Variants in KANSL1 observed in about 807,000 individuals in gnomAD.
The protein encoded by KANSL1 is MLL1/MLL complex subunit KANSL1.
KANSL1 carries 22 observed loss-of-function variants against 103.6 expected under a neutral mutation model. That is an observed-to-expected ratio of 0.21 (90% CI 0.15 to 0.30). The LOEUF is 0.30. Ranked by LOEUF, KANSL1 falls within the 10% of genes least tolerant of loss-of-function variation. The probability of loss-of-function intolerance (pLI) is 1.00; values close to 1 mark genes in which losing one functional copy is unlikely to be tolerated. For missense variants in KANSL1, 1,337 were observed against 1,399.8 expected, an observed-to-expected ratio of 0.96 and a Z score of 0.72; for synonymous variants, 600 against 527.6, an observed-to-expected ratio of 1.14 and a Z score of -1.88.
chr17:46,075,024 C>T (rs62060835), intron 4 of KANSL1, among the ~76,000 whole-genome samples: 21,794 of 151,938 alleles, frequency 0.14, 2,132 homozygotes, highest in Non-Finnish European at 0.22. Flanking sequence ...ATTTGTGGAA[C>T]GCTATACAAA....
intron 4 of KANSL1, among the ~76,000 whole-genome samples, chr17:46,078,555 AAT>A (rs1447418170): frequency 6.8e-6 from 1 of 147,508 alleles, no homozygotes; most frequent in Non-Finnish European, 1.5e-5. Flanking sequence ...ATCCTCTGAT[AAT>A]ATACAAACAA....
chr17:46,166,439 G>A (rs1322218308), intron 2 of KANSL1, among the ~76,000 whole-genome samples: 3 of 151,706 alleles, frequency 2.0e-5, no homozygotes, highest in Admixed American at 6.6e-5. Flanking sequence ...TTGAACCCGG[G>A]AGCCAGAGGT....
chr17:46,054,441 A>G (rs1055027567), intron 6 of KANSL1, among the ~76,000 whole-genome samples: 2 of 152,080 alleles, frequency 1.3e-5, no homozygotes, highest in Non-Finnish European at 2.9e-5. Flanking sequence ...TCTTTTCTCA[A>G]ATGGGTTTCT....
chr17:46,071,024 C>T (rs572438204), intron 4 of KANSL1, among the ~76,000 whole-genome samples: 1 of 152,280 alleles, frequency 6.6e-6, no homozygotes, highest in South Asian at 2.1e-4. Context: ...AGTAATGTCA[C>T]GATCCATATA....
chr17:46,193,105 C>G lies in KANSL1; in HGVS notation c.-372G>C, dbSNP rs999480392. The G allele has an allele frequency of 1.3e-5, 2 of 152,042 alleles. No homozygotes were observed. Among genetic ancestry groups the G allele is most frequent in the South Asian group, 2.1e-4 (1 of 4,842 alleles). The allele number at this position is 152,042 out of a possible 1,614,324, so 9.4% of individuals were successfully genotyped here. A position where few individuals can be genotyped will look rare whatever the true frequency, so the allele number is the denominator to read the frequency against. On this transcript the variant is annotated 5_prime_UTR_variant, in exon 1 of 15. Coordinates refer to ENST00000432791, the MANE Select transcript of KANSL1 (RefSeq NM_015443.4). ...GGCCTTGCTCCGCACCGACGGGGCC[C>G]GAGCACGGCTGGAGACCGCAGCCCG...
chr17:46,097,209 CTGTA>C (rs1304490252), intron 2 of KANSL1, among the ~76,000 whole-genome samples: 2 of 152,186 alleles, frequency 1.3e-5, no homozygotes, highest in African/African-American at 2.4e-5. Flanking sequence ...TAAACGACAT[CTGTA>C]TGTATCAACA....
In KANSL1 at chr17:46,039,727, C is replaced by T; in HGVS notation, c.2178G>A (p.Leu726=). The part of the protein sequence containing the change: ...PDSARKDRHK[L]VSSFLTTAKL... ...TGGCTGTTGTTAGGAAGGAGCTGAC[C>T]AATTTGTGCCTGTCCTTACGAGCTG... The change falls in exon 8 of 15, where the codon TTG becomes TTA. Residue 726 remains leucine, a synonymous_variant. Coordinates refer to ENST00000432791, the MANE Select transcript of KANSL1 (RefSeq NM_015443.4). 1 of 1,613,838 alleles carries T rather than the reference C, an allele frequency of 6.2e-7. No homozygotes were observed. Among genetic ancestry groups the T allele is most frequent in the Non-Finnish European group, 8.5e-7 (1 of 1,179,864 alleles).
At chr17:46,127,116 C>T (rs1272060802) in intron 2 of KANSL1, among the ~76,000 whole-genome samples, 7 of 152,198 alleles carry the variant, frequency 4.6e-5, no homozygotes, top group Non-Finnish European at 1.5e-5. Flanking sequence ...ATGTCCTTTA[C>T]AGAACATCAC....
intron 1 of KANSL1, among the ~76,000 whole-genome samples, chr17:46,185,692 T>TACACACACAC (rs58833932): frequency 8.8e-4 from 127 of 144,400 alleles, no homozygotes; most frequent in South Asian, 4.1e-3. Context: ...CACACATATA[T>TACACACACAC]ACACACACAC....
rs371224446 is a variant in KANSL1, at chr17:46,217,294, G to A, written c.-90+6377C>T. 7.9e-5 allele frequency among the ~76,000 whole-genome samples: 12 copies of A among 152,072 alleles called. No individual in the cohort carries two copies. In the East Asian group the frequency reaches 1.6e-3, roughly 20 times the overall value. On this transcript the variant is annotated intron_variant, in intron 1 of 14. Coordinates refer to the KANSL1 transcript ENST00000572904. ...AGTTCGAGACCAGCCTGGCCAATGT[G>A]GTGAAACCCCATCTCTACCAAAAAT... is the stretch of plus-strand genomic sequence containing the variant.
intron 6 of KANSL1, among the ~76,000 whole-genome samples, chr17:46,064,366 G>A (rs12150127): frequency 0.14 from 21,800 of 152,154 alleles, 2,131 homozygotes; most frequent in Non-Finnish European, 0.22. Flanking sequence ...TATGTTGCTA[G>A]TGGCTCTCTT....
intron 4 of KANSL1, among the ~76,000 whole-genome samples, chr17:46,072,290 TA>T (rs1190866740): frequency 2.6e-5 from 4 of 152,110 alleles, no homozygotes; most frequent in African/African-American, 7.2e-5. Context: ...AATTAAACTC[TA>T]CCTGCAAATA....
Position 46,030,005 on chromosome 17 carries a change from T to C in KANSL1, c.*1471A>G, listed in dbSNP as rs1375653613. On this transcript the variant is annotated 3_prime_UTR_variant, in exon 15 of 15. Coordinates refer to ENST00000432791, the MANE Select transcript of KANSL1 (RefSeq NM_015443.4). ...GTGCTTTGCGAACAGAATCAAGACATTAACAAAGATCAGCTTCTCTGAAGA... is the reference window on the plus strand; with the variant it reads ...GTGCTTTGCGAACAGAATCAAGACACTAACAAAGATCAGCTTCTCTGAAGA... 1.3e-5 allele frequency: 2 copies of C among 152,050 alleles called. No individual in the cohort carries two copies. Among genetic ancestry groups the C allele is most frequent in the African/African-American group, 4.8e-5 (2 of 41,304 alleles). 9.4% of individuals were successfully genotyped at this position (152,050 alleles called of 1,614,324 possible). A position where few individuals can be genotyped will look rare whatever the true frequency, so the allele number is the denominator to read the frequency against.
intron 1 of KANSL1, among the ~76,000 whole-genome samples, chr17:46,200,611 G>A (rs2047768933): frequency 6.6e-6 from 1 of 152,104 alleles, no homozygotes; most frequent in Non-Finnish European, 1.5e-5. Context: ...GCATGGTGGG[G>A]GGCACCCGTA....
At chr17:46,082,331 G>T in intron 4 of KANSL1, 110 bp downstream of exon 4, 1 of 641,728 alleles carries the variant, frequency 1.6e-6, no homozygotes, top group Non-Finnish European at 2.8e-6. Context: ...AGTAGATACA[G>T]TTCCCCTTCT....
intron 2 of KANSL1, among the ~76,000 whole-genome samples, chr17:46,132,530 C>T (rs1218589192): frequency 6.6e-6 from 1 of 152,216 alleles, no homozygotes; most frequent in African/African-American, 2.4e-5. Flanking sequence ...ACTCCAGACC[C>T]ACTGAATCAT....
intron 1 of KANSL1, among the ~76,000 whole-genome samples, chr17:46,201,894 C>T (rs1181340607): frequency 6.6e-6 from 1 of 152,178 alleles, no homozygotes; most frequent in Non-Finnish European, 1.5e-5. Context: ...GTAGTCCCAG[C>T]TACACAGGAA....
chr17:46,180,691 C>A (rs1010200114), intron 1 of KANSL1, among the ~76,000 whole-genome samples: 7 of 151,970 alleles, frequency 4.6e-5, no homozygotes, highest in African/African-American at 1.7e-4. Context: ...GTCTCAAAAA[C>A]AAAAACAAAC....
chr17:46,066,083 C>T lies in KANSL1; in HGVS notation c.1848+454G>A, dbSNP rs1170269894. 2.0e-5 allele frequency among the ~76,000 whole-genome samples: 3 copies of T among 152,144 alleles called. No individual in the cohort carries two copies. In the East Asian group the frequency reaches 5.8e-4, roughly 29 times the overall value. On this transcript the variant is annotated intron_variant, in intron 6 of 14. Transcript: ENST00000432791. ...ATATTTTCCAGGCTGGTATTCAATTCCTAGGCTCAAGCAATCCTCCCGCCT... is the reference window on the plus strand; with the variant it reads ...ATATTTTCCAGGCTGGTATTCAATTTCTAGGCTCAAGCAATCCTCCCGCCT...
Sources: gnomAD v4.1 joint callset for allele counts (sites outside exome capture counted in the v4.1 genomes callset) on GRCh38, gnomAD v4.1.1 for gene constraint, MANE v1.5 for transcripts, NCBI Gene and HGNC (gene_info 2026-07-23, HGNC 2026-07-21) for gene names.